The following SCN11A variants were observed in gnomAD, a reference collection of about 807,000 sequenced individuals.
The protein encoded by SCN11A is sodium channel protein type 11 subunit alpha.
In SCN11A, 122 loss-of-function variants were observed where a neutral mutation model predicts 162.2. That is an observed-to-expected ratio of 0.75 (90% CI 0.65 to 0.87). The LOEUF (loss-of-function observed/expected upper bound fraction) is 0.87. Ranked by LOEUF, SCN11A falls within the 40% of genes least tolerant of loss-of-function variation. The pLI is 0.00. For synonymous variants in SCN11A, 758 were observed against 751.5 expected (o/e 1.01, Z -0.14); for missense variants, 2,015 against 2,181.6 (o/e 0.92, Z 1.52).
intron 28 of SCN11A, among the ~76,000 whole-genome samples, chr3:38,862,460 A>G (rs1478294085): frequency 6.6e-6 from 1 of 152,136 alleles, no homozygotes; most frequent in Non-Finnish European, 1.5e-5. Flanking sequence ...GTAGCAGCAC[A>G]ATTCGCAACG....
intron 2 of SCN11A, among the ~76,000 whole-genome samples, chr3:38,995,184 G>A (rs2030584757): frequency 6.6e-6 from 1 of 151,036 alleles, no homozygotes; most frequent in South Asian, 2.1e-4. Flanking sequence ...AGGCTGGAGT[G>A]CAGTGGCGCG....
In SCN11A at chr3:38,950,057, AC is replaced by A. The variant is rs757555016; in HGVS notation, c.267+38del. 5.7e-4 allele frequency: 58 copies of A among 102,040 alleles called. 3 individuals carry two copies. The highest frequency in any genetic ancestry group is 1.2e-3 in the South Asian group (11 of 9,208). 6.3% of individuals were successfully genotyped at this position (102,040 alleles called of 1,614,324 possible). A position where few individuals can be genotyped will look rare whatever the true frequency, so the allele number is the denominator to read the frequency against. On this transcript the variant is annotated intron_variant, in intron 5 of 29. Transcript: ENST00000302328. ...CCAGTTACAACTGCATGGTTAGAAC[AC>A]CCCCACCCCCACCCCCCCCCCCCGC...
chr3:39,025,919 T>G (rs984242134), intron 2 of SCN11A: 1 of 152,204 alleles, frequency 6.6e-6, no homozygotes, highest in Non-Finnish European at 1.5e-5. Context: ...TTTCTTTCTT[T>G]TATACCTAAT....
At chr3:38,936,187 T>C (rs1399476469) in intron 7 of SCN11A, among the ~76,000 whole-genome samples, 1 of 151,738 alleles carries the variant, frequency 6.6e-6, no homozygotes, top group East Asian at 1.9e-4. Flanking sequence ...TGCTAAAAAC[T>C]CTCAATAAAT....
Position 38,903,979 on chromosome 3 carries a change from G to C in SCN11A, c.1728C>G (p.Asp576Glu). ...TGGTGATGGCCAGCTCAGTAAACGGGTCAGTCATCACAGTTCTCAGGACCT... is the reference window on the plus strand; with the variant it reads ...TGGTGATGGCCAGCTCAGTAAACGGCTCAGTCATCACAGTTCTCAGGACCT... ...VKKVLRTVMT[D>E]PFTELAITIC... is the part of the protein sequence containing the mutation. Residue 576 changes from aspartate to glutamate, a missense_variant, in exon 16 of 30, where the codon GAC (aspartate) becomes GAG (glutamate). Asp to Glu is a conservative substitution (Grantham distance 45, BLOSUM62 2). Transcript: ENST00000302328. 1.2e-6 allele frequency: 2 copies of C among 1,614,102 alleles called. No homozygotes were observed. Among genetic ancestry groups the C allele is most frequent in the Non-Finnish European group, 1.7e-6 (2 of 1,179,970 alleles).
intron 28 of SCN11A, among the ~76,000 whole-genome samples, chr3:38,855,449 G>A (rs1337971862): frequency 6.6e-6 from 1 of 152,140 alleles, no homozygotes; most frequent in Non-Finnish European, 1.5e-5. Context: ...CCTAGTAGCT[G>A]AACACAAAAG....
intron 2 of SCN11A, among the ~76,000 whole-genome samples, chr3:39,014,915 C>T (rs1208529188): frequency 1.3e-5 from 2 of 152,164 alleles, no homozygotes; most frequent in African/African-American, 4.8e-5. Flanking sequence ...CATCATCAGC[C>T]TTTGTTGTTG....
At chr3:38,892,023 G>T (rs928620184) in intron 19 of SCN11A, among the ~76,000 whole-genome samples, 2 of 152,146 alleles carry the variant, frequency 1.3e-5, no homozygotes, top group African/African-American at 4.8e-5. Context: ...AGAAAATCTT[G>T]AAAGTAGCAA....
intron 2 of SCN11A, among the ~76,000 whole-genome samples, chr3:39,001,378 T>C (rs1161074165): frequency 6.6e-6 from 1 of 152,250 alleles, no homozygotes; most frequent in African/African-American, 2.4e-5. Context: ...TTATATAATA[T>C]GTGGTCTTTT....
chr3:38,873,846 T>C (rs2065167053), intron 23 of SCN11A, among the ~76,000 whole-genome samples: 1 of 152,230 alleles, frequency 6.6e-6, no homozygotes, highest in Non-Finnish European at 1.5e-5. Context: ...CTGCACTGTT[T>C]TTGAAATCAT....
chr3:39,006,085 T>C (rs1039556435), intron 2 of SCN11A, among the ~76,000 whole-genome samples: 15 of 152,242 alleles, frequency 9.9e-5, no homozygotes, highest in Admixed American at 2.6e-4. Context: ...GTCTTTTTTG[T>C]TCAATGTTTT....
chr3:38,884,773 T>C (rs1330086439), intron 21 of SCN11A, among the ~76,000 whole-genome samples: 1 of 152,252 alleles, frequency 6.6e-6, no homozygotes, highest in Non-Finnish European at 1.5e-5. Flanking sequence ...ACTCATTTAA[T>C]AGTCACAACA....
At chr3:38,934,692 T>C (rs1258989967) in intron 7 of SCN11A, among the ~76,000 whole-genome samples, 5 of 151,860 alleles carry the variant, frequency 3.3e-5, no homozygotes, top group South Asian at 2.1e-4. Context: ...CCTAAATATA[T>C]ATGCACCCAA....
rs879148699 is a variant in SCN11A at position 38,899,931 on chromosome 3, T to C, written c.1985A>G (p.Gln662Arg). The C allele has an allele frequency of 1.9e-6, 3 of 1,613,914 alleles. No homozygotes were observed. The South Asian group carries it at 3.3e-5, about 18-fold the overall frequency. ...SFADVMNCVL[Q>R]KRSWPFLRSF... is the part of the protein sequence containing the mutation. ...ACGCAAGAATGGCCAGCTTCTCTTT[T>C]GAAGTACACAGTTCATTACATCTGC... Residue 662 changes from glutamine (Q) to arginine (R), a missense_variant, in exon 17 of 30, where the codon CAA becomes CGA. By Grantham distance (43) the Gln-to-Arg change is conservative. Transcript: ENST00000302328.
At chr3:38,968,127 T>C (rs73828761) in intron 2 of SCN11A, among the ~76,000 whole-genome samples, 1 of 152,324 alleles carries the variant, frequency 6.6e-6, no homozygotes, top group African/African-American at 2.4e-5. Flanking sequence ...GGGAGGTCTG[T>C]GTCTCCTTGT....
At chr3:39,014,587 T>A (rs2125604102) in intron 2 of SCN11A, among the ~76,000 whole-genome samples, 1 of 152,348 alleles carries the variant, frequency 6.6e-6, no homozygotes, top group Middle Eastern at 3.4e-3. Flanking sequence ...ACCATTTTTA[T>A]CAAGCCAGCT....
At chr3:38,860,761 T>G (rs1011840792) in intron 28 of SCN11A, among the ~76,000 whole-genome samples, 1 of 152,146 alleles carries the variant, frequency 6.6e-6, no homozygotes, top group Non-Finnish European at 1.5e-5. Flanking sequence ...AAGCCATTTA[T>G]GACAAACCCA....
intron 26 of SCN11A, among the ~76,000 whole-genome samples, chr3:38,870,233 A>C (rs2065103434): frequency 6.6e-6 from 1 of 152,204 alleles, no homozygotes; most frequent in African/African-American, 2.4e-5. Context: ...AGAAACTCTA[A>C]AATTCAACAG....
chr3:38,927,707 G>A (rs2066165949), intron 7 of SCN11A, among the ~76,000 whole-genome samples: 1 of 152,310 alleles, frequency 6.6e-6, no homozygotes, highest in Admixed American at 6.5e-5. Flanking sequence ...TCATACGGCA[G>A]CAGGAAGGAG....
Sources: gnomAD v4.1 joint callset for allele counts (sites outside exome capture counted in the v4.1 genomes callset) on GRCh38, gnomAD v4.1.1 for gene constraint, MANE v1.5 for transcripts, NCBI Gene and HGNC (gene_info 2026-07-23, HGNC 2026-07-21) for gene names.